AATK: variants seen among roughly 807,000 people sequenced by gnomAD.
AATK encodes lemur tail kinase 1.
In AATK, 91 loss-of-function variants were observed where a neutral mutation model predicts 114.3. The ratio of observed to expected loss-of-function variants is 0.80; its 90% CI spans 0.67 to 0.95. The LOEUF (loss-of-function observed/expected upper bound fraction) is 0.95. Among genes scored for constraint, AATK ranks in the 40% least tolerant of loss-of-function variants. The pLI, the probability that AATK is intolerant of heterozygous loss-of-function variation, is 0.00. For missense variants in AATK, 2,176 were observed against 1,965.2 expected (o/e 1.11, Z -2.03); for synonymous variants, 1,075 against 916.5 (o/e 1.17, Z -3.12).
Position 81,126,583 on chromosome 17 carries a change from A to C in AATK, c.622-23T>G. ...CCCCTGCAGAAAGGGGGTGTGGCGC[A>C]GTCACCAGCAGGCTGGGGGCTGGCC... On this transcript the variant is annotated intron_variant, in intron 6 of 13. Transcript: ENST00000326724. This position sits in a 1 kb window ranked among gnomAD's most constrained non-coding sequence, Gnocchi z 5.1. The C allele has an allele frequency of 6.5e-7, 1 of 1,527,134 alleles. No homozygotes were observed. Among genetic ancestry groups the C allele is most frequent in the Non-Finnish European group, 8.9e-7 (1 of 1,129,066 alleles). 94.6% of individuals were successfully genotyped at this position (1,527,134 alleles called of 1,614,324 possible). A position where few individuals can be genotyped will look rare whatever the true frequency, so the allele number is the denominator to read the frequency against.
chr17:81,159,446 G>A (rs936160711), intron 1 of AATK, among the ~76,000 whole-genome samples: 3 of 152,114 alleles, frequency 2.0e-5, no homozygotes, highest in Non-Finnish European at 2.9e-5. Context: ...CCCCGGACCC[G>A]CACCCCGGAG....
At chr17:81,125,103 C>A in intron 7 of AATK, 89 bp from the exon 8 acceptor site, 1 of 862,594 alleles carries the variant, frequency 1.2e-6, no homozygotes, top group Non-Finnish European at 1.8e-6. Context: ...TGGGGTGTGC[C>A]GGGCGGGGGC....
chr17:81,127,842 A>G lies in AATK; in HGVS notation c.483T>C (p.Ser161=), dbSNP rs1481084129. The change falls in exon 5 of 14, where the codon AGT becomes AGC. Residue 161 remains serine, a synonymous_variant. Coordinates refer to ENST00000326724, the MANE Select transcript of AATK (RefSeq NM_001080395.3). ...ACTGCATCTGCTCCTGCACGCTGGC[A>G]CTAGCCTGCAGCTCCTTCACCACCA... ...AQVVVKELQA[S]ASVQEQMQFL... is the part of the protein sequence containing the mutation. 1 of 1,544,892 alleles carries G rather than the reference A, an allele frequency of 6.5e-7. No individual in the cohort carries two copies. The highest frequency in any genetic ancestry group is 1.2e-5 in the South Asian group (1 of 83,882).
intron 3 of AATK, 101 bp downstream of exon 3, chr17:81,130,960 C>T: frequency 7.1e-7 from 1 of 1,403,562 alleles, no homozygotes. Flanking sequence ...CTGTGCTGCC[C>T]CCACTCCAGA....
chr17:81,119,348 G>GCCCTACCTCTCGCGTT lies in AATK; in HGVS notation c.4084+31_4084+32insAACGCGAGAGGTAGGG, dbSNP rs776506858. ...GAGCTCCGTGCCCTGCCTCCCGCGT[G>GCCCTACCTCTCGCGTT]CCCTTCTGCCACAGCCCCGCCCAGG... On this transcript the variant is annotated intron_variant, in intron 13 of 13. Coordinates refer to ENST00000326724, the MANE Select transcript of AATK (RefSeq NM_001080395.3). 4 of 1,537,534 alleles carry GCCCTACCTCTCGCGTT rather than the reference G, an allele frequency of 2.6e-6. 1 individual carries two copies. The African/African-American group carries it at 5.8e-5, about 22-fold the overall frequency.
In AATK at chr17:81,119,374, C is replaced by T. The variant is rs377434840; in HGVS notation, c.4084+6G>A. ...CCCTTCTGCCACAGCCCCGCCCAGG[C>T]CTCACCTCTCTTGGACTCGGCGTCC... On this transcript the variant is annotated splice_donor_region_variant and intron_variant, in intron 13 of 13. Coordinates refer to ENST00000326724, the MANE Select transcript of AATK (RefSeq NM_001080395.3). 5.4e-4 allele frequency: 850 copies of T among 1,572,630 alleles called. 9 individuals carry two copies. Among genetic ancestry groups the T allele is most frequent in the Middle Eastern group, 1.2e-3 (7 of 5,930 alleles).
chr17:81,160,504 C>T (rs2061417960), intron 1 of AATK, among the ~76,000 whole-genome samples: 2 of 152,240 alleles, frequency 1.3e-5, no homozygotes, highest in Admixed American at 6.5e-5. Context: ...AGGCCAAGGC[C>T]GCCGGTCCCG....
chr17:81,133,536 G>A (rs929592187), intron 2 of AATK, among the ~76,000 whole-genome samples: 8 of 152,210 alleles, frequency 5.3e-5, no homozygotes, highest in Admixed American at 1.3e-4. Context: ...CTGGCCCAGG[G>A]GTGGGGCTGA....
chr17:81,124,675 G>T, intron 9 of AATK, 52 bp downstream of exon 9: 2 of 1,595,450 alleles, frequency 1.3e-6, no homozygotes, highest in Non-Finnish European at 1.7e-6. Flanking sequence ...ACATGGGTGG[G>T]CAGGTGGCAC....
At chr17:81,156,618 C>T (rs547260691) in intron 1 of AATK, among the ~76,000 whole-genome samples, 1 of 152,270 alleles carries the variant, frequency 6.6e-6, no homozygotes, top group African/African-American at 2.4e-5. Flanking sequence ...AGGCTGGTCT[C>T]AAACTCCTGA....
At chr17:81,157,399 G>A (rs1258063160) in intron 1 of AATK, among the ~76,000 whole-genome samples, 1 of 152,160 alleles carries the variant, frequency 6.6e-6, no homozygotes, top group Non-Finnish European at 1.5e-5. Context: ...CCACGCACAT[G>A]CCTGCCGCAC....
chr17:81,145,708 T>C (rs8081707), intron 1 of AATK, among the ~76,000 whole-genome samples: 67,456 of 137,452 alleles, frequency 0.49, 16,431 homozygotes, highest in African/African-American at 0.54. Flanking sequence ...ACTCCAGCCT[T>C]GGCAACGAGA....
chr17:81,132,659 C>T, intron 2 of AATK: 1 of 308,320 alleles, frequency 3.2e-6, no homozygotes, highest in Non-Finnish European at 6.7e-6. Flanking sequence ...GCATTACCTG[C>T]TGCCCGGGGG....
chr17:81,158,595 C>G (rs1234570409), intron 1 of AATK, among the ~76,000 whole-genome samples: 2 of 152,204 alleles, frequency 1.3e-5, no homozygotes, highest in Admixed American at 6.5e-5. Flanking sequence ...CCCACTGCCC[C>G]GAGCCTGGCT....
Position 81,121,847 on chromosome 17 carries a change from C to T in AATK, c.2089G>A (p.Asp697Asn), listed in dbSNP as rs745474725. The T allele has an allele frequency of 1.0e-4, 160 of 1,595,976 alleles. No homozygotes were observed. Among genetic ancestry groups the T allele is most frequent in the Non-Finnish European group, 1.3e-4 (152 of 1,177,916 alleles). ...NSGSRCPESW[D>N]PVSAGGHAEG... Reference sequence around the variant, plus strand: ...GCGTGGCCGCCCGCAGAGACGGGGTCCCAGGACTCTGGACAGCGGCTGCCG... The same window carrying T: ...GCGTGGCCGCCCGCAGAGACGGGGTTCCAGGACTCTGGACAGCGGCTGCCG... Residue 697 changes from aspartate to asparagine, a missense_variant, in exon 11 of 14, where the codon GAC becomes AAC. By Grantham distance (23) the Asp-to-Asn change is conservative. Around this residue, in one of 4 missense-constraint regions of AATK, gnomAD observed 1,701 missense variants for 1,394.7 expected, o/e 1.22. Coordinates refer to ENST00000326724, the MANE Select transcript of AATK (RefSeq NM_001080395.3).
At chr17:81,140,615 TGA>T (rs1394823720) in intron 1 of AATK, among the ~76,000 whole-genome samples, 1 of 112,118 alleles carries the variant, frequency 8.9e-6, no homozygotes, top group Non-Finnish European at 2.1e-5. Context: ...GAACTGGAGA[TGA>T]GAGAAGTGAC....
intron 1 of AATK, among the ~76,000 whole-genome samples, chr17:81,157,731 G>T (rs2061383862): frequency 6.6e-6 from 1 of 152,194 alleles, no homozygotes; most frequent in South Asian, 2.1e-4. Flanking sequence ...AGGGTGGGAA[G>T]GGCACCTGGA....
chr17:81,132,745 C>T (rs1450882057), intron 2 of AATK: 7 of 248,794 alleles, frequency 2.8e-5, no homozygotes, highest in South Asian at 2.4e-4. Flanking sequence ...AGCCCCTTCC[C>T]TCAGCACAGC....
At position 81,131,089 on chromosome 17, in the gene AATK, C is replaced by T; in HGVS notation, c.306G>A (p.Leu102=). The T allele has an allele frequency of 6.4e-7, 1 of 1,556,226 alleles. No individual in the cohort carries two copies. Among genetic ancestry groups the T allele is most frequent in the Non-Finnish European group, 8.7e-7 (1 of 1,150,412 alleles). The change falls in exon 3 of 14, where the codon TTG becomes TTA. Residue 102 remains leucine (L), a synonymous_variant. Transcript: ENST00000326724. ...AGCGCCCAGGCTGCTTGGCCATGGGCAAGGAGACCTCCGTGAGTGGCAGGA... is the reference window on the plus strand; with the variant it reads ...AGCGCCCAGGCTGCTTGGCCATGGGTAAGGAGACCTCCGTGAGTGGCAGGA... ...VYVLPLTEVS[L]PMAKQPGRSV...
Sources: allele counts gnomAD v4.1 joint callset (sites outside exome capture counted in the v4.1 genomes callset), GRCh38; gene constraint gnomAD v4.1.1; regional missense constraint gnomAD v4.1.1; non-coding constraint Gnocchi (gnomAD v3.1); transcripts MANE v1.5; gene names NCBI Gene and HGNC (gene_info 2026-07-23, HGNC 2026-07-21).